The following COL24A1 variants were observed in gnomAD, a reference collection of about 807,000 sequenced individuals.
COL24A1 encodes collagen type XXIV alpha 1 chain, also known as collagen alpha-1(XXIV) chain.
Under a neutral mutation model 253.9 loss-of-function variants are expected in COL24A1, and 224 were observed. The observed-to-expected ratio is 0.88, with a 90% confidence interval of 0.79 to 0.99. COL24A1 has a LOEUF of 0.99. COL24A1 is among the 50% of genes least tolerant of loss of function. The pLI, the probability that COL24A1 is intolerant of heterozygous loss-of-function variation, is 0.00. For missense variants in COL24A1, 2,131 were observed against 2,068.5 expected, an observed-to-expected ratio of 1.03 and a Z score of -0.59; for synonymous variants, 685 against 673.7, an observed-to-expected ratio of 1.02 and a Z score of -0.26.
chr1:85,771,873 T>G (rs1378966611), intron 53 of COL24A1, among the ~76,000 whole-genome samples: 1 of 149,844 alleles, frequency 6.7e-6, no homozygotes, highest in Non-Finnish European at 1.5e-5. Flanking sequence ...TATGTATACA[T>G]GTGCCATGCT....
chr1:85,970,347 T>C (rs1470751973), intron 21 of COL24A1, 76 bp from the exon 22 acceptor site: 8 of 1,332,086 alleles, frequency 6.0e-6, no homozygotes, highest in Non-Finnish European at 8.3e-6. Context: ...ATTTTCTCTA[T>C]TTATTCTAAA....
chr1:85,819,793 A>C (rs1377321044), intron 45 of COL24A1, among the ~76,000 whole-genome samples: 2 of 152,054 alleles, frequency 1.3e-5, no homozygotes, highest in Non-Finnish European at 2.9e-5. Flanking sequence ...CACTGACGGC[A>C]ATCTCTGAAA....
chr1:86,052,369 T>G (rs1700374717), intron 10 of COL24A1, among the ~76,000 whole-genome samples: 1 of 152,124 alleles, frequency 6.6e-6, no homozygotes, highest in South Asian at 2.1e-4. Context: ...AACAAAATGT[T>G]GTATATACAT....
In COL24A1 at chr1:85,832,490, G is replaced by T. The variant is rs368901344; in HGVS notation, c.3681+6095C>A. Among the ~76,000 whole-genome samples the T allele has an allele frequency of 2.2e-3, 338 of 151,254 alleles. 7 individuals are homozygous for T. The East Asian group carries it at 0.043, about 19-fold the overall frequency. On this transcript the variant is annotated intron_variant, in intron 43 of 59. Coordinates refer to ENST00000370571, the MANE Select transcript of COL24A1 (RefSeq NM_152890.7). ...AGTCATTGGTAGCTTGATGGGGATG[G>T]CATTGAATCTGTAAATTACCTTGGG...
intron 47 of COL24A1, among the ~76,000 whole-genome samples, chr1:85,790,460 T>TAGCTAATG: frequency 6.6e-6 from 1 of 151,974 alleles, no homozygotes; most frequent in South Asian, 2.1e-4. Context: ...CTTTATTAGA[T>TAGCTAATG]AGCTAATGAT....
intron 24 of COL24A1, among the ~76,000 whole-genome samples, chr1:85,912,029 G>T (rs1287747685): frequency 6.6e-6 from 1 of 152,084 alleles, no homozygotes; most frequent in Admixed American, 6.6e-5. Context: ...TCTGACATAA[G>T]CTCATAAAGG....
At chr1:86,119,371 T>C (rs1289151290) in intron 3 of COL24A1, among the ~76,000 whole-genome samples, 1 of 152,156 alleles carries the variant, frequency 6.6e-6, no homozygotes, top group Non-Finnish European at 1.5e-5. Flanking sequence ...TTTAAGGGAA[T>C]GTGCAAGCCA....
chr1:85,880,603 T>C (rs1681720736), intron 32 of COL24A1, among the ~76,000 whole-genome samples: 1 of 152,212 alleles, frequency 6.6e-6, no homozygotes, highest in Non-Finnish European at 1.5e-5. Context: ...CCTTATTCCC[T>C]TGTTCTTAAA....
chr1:86,138,499 T>C (rs2102366961), intron 2 of COL24A1, among the ~76,000 whole-genome samples: 1 of 152,280 alleles, frequency 6.6e-6, no homozygotes, highest in South Asian at 2.1e-4. Context: ...CATGTTTTTC[T>C]CGCAATAGTG....
At chr1:86,015,652 C>T (rs1371426866) in intron 19 of COL24A1, among the ~76,000 whole-genome samples, 2 of 152,000 alleles carry the variant, frequency 1.3e-5, no homozygotes, top group Non-Finnish European at 2.9e-5. Context: ...GATTCTGTAT[C>T]CTCAGTATGA....
At chr1:86,002,503 G>C (rs1695520847) in intron 19 of COL24A1, among the ~76,000 whole-genome samples, 1 of 152,166 alleles carries the variant, frequency 6.6e-6, no homozygotes, top group Admixed American at 6.5e-5. Context: ...CATTCATGTA[G>C]GATGGACAAT....
intron 19 of COL24A1, among the ~76,000 whole-genome samples, chr1:86,004,151 T>C (rs1323967598): frequency 6.6e-6 from 1 of 152,170 alleles, no homozygotes; most frequent in Admixed American, 6.5e-5. Flanking sequence ...ATGTCACCAT[T>C]CCACGAAGAA....
chr1:86,006,400 A>G (rs746218626), intron 19 of COL24A1, among the ~76,000 whole-genome samples: 4 of 152,240 alleles, frequency 2.6e-5, no homozygotes, highest in Non-Finnish European at 5.9e-5. Context: ...CGAAGGCAGT[A>G]CAATGGAGCA....
intron 59 of COL24A1, 58 bp from the exon 60 acceptor site, chr1:85,730,750 G>C (rs1663395484): frequency 6.4e-7 from 1 of 1,555,774 alleles, no homozygotes; most frequent in East Asian, 2.2e-5. Context: ...ACTTTCAGTA[G>C]ACAATGCCTT....
chr1:85,900,996 G>A (rs922949221), intron 28 of COL24A1, among the ~76,000 whole-genome samples: 7 of 152,112 alleles, frequency 4.6e-5, no homozygotes, highest in African/African-American at 1.7e-4. Context: ...ATTGGTCTGG[G>A]CAATAATTTT....
chr1:85,830,205 G>A (rs1185145936), intron 43 of COL24A1, among the ~76,000 whole-genome samples: 31 of 148,642 alleles, frequency 2.1e-4, no homozygotes, highest in South Asian at 4.4e-4. Flanking sequence ...GTCTGCCCCT[G>A]CTGGGGGGTG....
intron 19 of COL24A1, among the ~76,000 whole-genome samples, chr1:86,001,084 T>C (rs1021675055): frequency 1.3e-4 from 20 of 152,328 alleles, no homozygotes; most frequent in East Asian, 9.6e-4. Context: ...ATGTTTTATC[T>C]TGGAACACCT....
chr1:85,914,306 G>GTGTA (rs1198258204), intron 24 of COL24A1, among the ~76,000 whole-genome samples: 1 of 41,420 alleles, frequency 2.4e-5, no homozygotes, highest in African/African-American at 9.0e-5. Context: ...TGTCATGAAT[G>GTGTA]TGTGTGTGTG....
intron 28 of COL24A1, among the ~76,000 whole-genome samples, chr1:85,906,150 G>A (rs113855347): frequency 9.9e-5 from 15 of 151,440 alleles, no homozygotes; most frequent in African/African-American, 3.1e-4. Context: ...AGGCAAATCT[G>A]CTCTCTTTCT....
Sources: gnomAD v4.1 joint callset for allele counts (sites outside exome capture counted in the v4.1 genomes callset) on GRCh38, gnomAD v4.1.1 for gene constraint, MANE v1.5 for transcripts, NCBI Gene and HGNC (gene_info 2026-07-23, HGNC 2026-07-21) for gene names.